Variants in THSD7B observed in about 807,000 individuals in gnomAD.
THSD7B encodes thrombospondin type-1 domain-containing protein 7B.
In THSD7B, 138 loss-of-function variants were observed where a neutral mutation model predicts 213.6. The observed-to-expected ratio is 0.65, with a 90% CI of 0.56 to 0.74. The LOEUF is 0.74. THSD7B is among the 30% of genes least tolerant of loss of function. The pLI is 0.00. For synonymous variants in THSD7B, 742 were observed against 687.0 expected, an observed-to-expected ratio of 1.08 and a Z score of -1.25; for missense variants, 1,931 against 1,991.5, an observed-to-expected ratio of 0.97 and a Z score of 0.58.
At chr2:137,008,102 A>G (rs1298639457) in intron 2 of THSD7B, among the ~76,000 whole-genome samples, 1 of 152,020 alleles carries the variant, frequency 6.6e-6, no homozygotes, top group African/African-American at 2.4e-5. Context: ...AAAGTGTTGT[A>G]TAATCAAAAA....
intron 12 of THSD7B, among the ~76,000 whole-genome samples, chr2:137,310,039 G>C (rs2104859153): frequency 6.6e-6 from 1 of 151,050 alleles, no homozygotes; most frequent in African/African-American, 2.4e-5. Flanking sequence ...GGATGGCTGG[G>C]TCAAATGGTA....
chr2:136,995,937 T>C (rs1239042692), intron 2 of THSD7B, among the ~76,000 whole-genome samples: 1 of 152,218 alleles, frequency 6.6e-6, no homozygotes, highest in Non-Finnish European at 1.5e-5. Context: ...AACAGTGTAT[T>C]CTGCAGTAGA....
intron 5 of THSD7B, among the ~76,000 whole-genome samples, chr2:137,152,066 G>T (rs779749863): frequency 1.0e-4 from 15 of 150,460 alleles, no homozygotes; most frequent in Non-Finnish European, 1.9e-4. Flanking sequence ...AAGAGGAGGG[G>T]TGCTTATAGT....
chr2:137,063,969 TA>T (rs1018469371), intron 3 of THSD7B, among the ~76,000 whole-genome samples: 1 of 152,108 alleles, frequency 6.6e-6, no homozygotes, highest in Non-Finnish European at 1.5e-5. Context: ...AGTGCTCCAG[TA>T]AATATGGGAG....
intron 1 of THSD7B, among the ~76,000 whole-genome samples, chr2:136,786,982 A>G (rs1264591826): frequency 6.6e-6 from 1 of 152,310 alleles, no homozygotes; most frequent in East Asian, 1.9e-4. Context: ...AGATTTTAGC[A>G]GTCTTTGAGT....
rs376606376 is a variant in THSD7B at position 137,405,639 on chromosome 2, C to T, written c.2527C>T (p.Arg843Trp). ...RAVSCISDDN[R>W]SAEMMECLKQ... ...TGTCTCATGCATCTCTGATGACAAC[C>T]GGTCAGCAGAAATGATGGAATGCCT... is the stretch of plus-strand genomic sequence containing the variant. Residue 843 changes from arginine to tryptophan, a missense_variant, in exon 13 of 28, where the codon CGG becomes TGG. Physicochemically the swap from Arg to Trp is moderately radical, Grantham distance 101 (BLOSUM62 -3). Coordinates refer to ENST00000409968, the MANE Select transcript of THSD7B (RefSeq NM_001316349.2). 1.6e-5 allele frequency: 26 copies of T among 1,608,872 alleles called. No individual in the cohort carries two copies. In the Admixed American group the frequency reaches 3.2e-4, roughly 20 times the overall value.
At chr2:136,861,407 A>G in intron 1 of THSD7B, among the ~76,000 whole-genome samples, 1 of 152,220 alleles carries the variant, frequency 6.6e-6, no homozygotes, top group Non-Finnish European at 1.5e-5. Context: ...TGGGTGCTTA[A>G]GATATTTTGT....
At chr2:137,055,530 G>A (rs1687147574) in intron 2 of THSD7B, among the ~76,000 whole-genome samples, 2 of 152,302 alleles carry the variant, frequency 1.3e-5, no homozygotes, top group South Asian at 4.1e-4. Context: ...GATAAGGCCT[G>A]CTGGTATGTC....
intron 2 of THSD7B, among the ~76,000 whole-genome samples, chr2:136,969,913 G>C (rs1409279792): frequency 6.6e-6 from 1 of 152,146 alleles, no homozygotes; most frequent in African/African-American, 2.4e-5. Context: ...CTTCCAATAT[G>C]AAAGTCATAA....
intron 4 of THSD7B, among the ~76,000 whole-genome samples, chr2:137,099,680 C>CA (rs1418972604): frequency 1.3e-5 from 2 of 152,118 alleles, no homozygotes; most frequent in African/African-American, 4.8e-5. Flanking sequence ...CTTAAATGAT[C>CA]ATTTAGAGTA....
At chr2:137,606,834 T>C (rs1682189302) in intron 17 of THSD7B, among the ~76,000 whole-genome samples, 1 of 152,028 alleles carries the variant, frequency 6.6e-6, no homozygotes, top group Admixed American at 6.6e-5. Context: ...AGAGAGAAAG[T>C]GAAAGGAGAG....
intron 3 of THSD7B, among the ~76,000 whole-genome samples, chr2:137,074,739 A>G (rs1269211004): frequency 6.6e-6 from 1 of 151,872 alleles, no homozygotes; most frequent in Non-Finnish European, 1.5e-5. Flanking sequence ...GTTCCTTTCC[A>G]TGTTTAGTGC....
intron 3 of THSD7B, among the ~76,000 whole-genome samples, chr2:137,076,737 C>G (rs1305222810): frequency 6.6e-6 from 1 of 152,210 alleles, no homozygotes; most frequent in Non-Finnish European, 1.5e-5. Flanking sequence ...GGCTCCTCCC[C>G]TCCCAAATTC....
Position 137,094,874 on chromosome 2 carries a change from C to G in THSD7B, c.952C>G (p.Leu318Val). Residue 318 changes from leucine (L) to valine (V), a missense_variant and splice_region_variant, in exon 4 of 28, where the codon CTT (leucine) becomes GTT (valine). By Grantham distance (32) the Leu-to-Val change is conservative (BLOSUM62 1). Transcript: ENST00000409968. ...ATTTTCTACTTCTGTTTTTTTCAGCCTTTGCCTTCAAGATTCCTTCCCATT... is the reference window on the plus strand; with the variant it reads ...ATTTTCTACTTCTGTTTTTTTCAGCGTTTGCCTTCAAGATTCCTTCCCATT... ...RSDGQNAMLS[L>V]CLQDSFPLTV... is the part of the protein sequence containing the mutation. 1 of 1,609,464 alleles carries G rather than the reference C, an allele frequency of 6.2e-7. No homozygotes were observed. Among genetic ancestry groups the G allele is most frequent in the African/African-American group, 1.3e-5 (1 of 74,790 alleles).
rs183256931 is a variant in THSD7B at position 137,180,105 on chromosome 2, G to T, written c.1723+9167G>T. ...ATATGAGAAGAGGGACTTGAACAAGGAAGGGTGTTGTTTTAATTGCTGCTG... is the reference window on the plus strand; with the variant it reads ...ATATGAGAAGAGGGACTTGAACAAGTAAGGGTGTTGTTTTAATTGCTGCTG... On this transcript the variant is annotated intron_variant, in intron 7 of 27. Transcript: ENST00000409968. Among the ~76,000 whole-genome samples the T allele has an allele frequency of 7.0e-4, 107 of 152,232 alleles. 3 individuals are homozygous for T. The Middle Eastern group carries it at 0.058, about 82-fold the overall frequency.
At chr2:137,135,028 T>C (rs940555290) in intron 5 of THSD7B, among the ~76,000 whole-genome samples, 1 of 152,182 alleles carries the variant, frequency 6.6e-6, no homozygotes, top group Non-Finnish European at 1.5e-5. Context: ...AAGATAAGGC[T>C]GATACTAATA....
chr2:137,580,846 T>A (rs78647572), intron 17 of THSD7B, among the ~76,000 whole-genome samples: 4,320 of 152,210 alleles, frequency 0.028, 162 homozygotes, highest in African/African-American at 0.086. Context: ...CACTTTTAAA[T>A]GTCCAGATCT....
intron 7 of THSD7B, among the ~76,000 whole-genome samples, chr2:137,227,749 T>C (rs1310599407): frequency 6.6e-6 from 1 of 152,150 alleles, no homozygotes; most frequent in Non-Finnish European, 1.5e-5. Context: ...TTAAATATTT[T>C]ATGTAAACCA....
At chr2:136,993,502 T>G (rs1408726951) in intron 2 of THSD7B, among the ~76,000 whole-genome samples, 3 of 152,192 alleles carry the variant, frequency 2.0e-5, no homozygotes, top group Admixed American at 6.5e-5. Flanking sequence ...TGATAGAGCC[T>G]TTAGTATAAC....
Sources: gnomAD v4.1 joint callset for allele counts (sites outside exome capture counted in the v4.1 genomes callset) on GRCh38, gnomAD v4.1.1 for gene constraint, MANE v1.5 for transcripts, NCBI Gene and HGNC (gene_info 2026-07-23, HGNC 2026-07-21) for gene names.